Variants in PRKCH observed in about 807,000 individuals in gnomAD.
PRKCH encodes protein kinase C eta, also known as protein kinase C eta type.
Under a neutral mutation model 82.5 loss-of-function variants are expected in PRKCH, and 28 were observed. The ratio of observed to expected loss-of-function variants is 0.34; its 90% CI spans 0.25 to 0.47. PRKCH has a LOEUF of 0.47. PRKCH is among the 20% of genes least tolerant of loss of function. PRKCH has a pLI of 1.00. For missense variants in PRKCH, 705 were observed against 881.8 expected (o/e 0.80, Z 2.54); for synonymous variants, 322 against 327.4 (o/e 0.98, Z 0.18).
intron 1 of PRKCH, among the ~76,000 whole-genome samples, chr14:61,239,353 C>G (rs540042796): frequency 4.5e-4 from 69 of 152,168 alleles, no homozygotes; most frequent in African/African-American, 1.5e-3. Context: ...TGGAGCAACA[C>G]GCTGATTTAA....
rs145485854 is a variant in PRKCH at position 61,289,670 on chromosome 14, G to A, written c.-19+102002G>A. The stretch of plus-strand genomic sequence containing the variant: ...TGCAGTGAGCTATGATTGTGCCACT[G>A]CACTCCAGCCTGGGTGGCAGAGTGA... On this transcript the variant is annotated intron_variant, in intron 1 of 3. Coordinates refer to the PRKCH transcript ENST00000555185. 3.9e-5 allele frequency among the ~76,000 whole-genome samples: 6 copies of A among 152,342 alleles called. No homozygotes were observed. The East Asian group carries it at 5.8e-4, about 15-fold the overall frequency.
intron 1 of PRKCH, among the ~76,000 whole-genome samples, chr14:61,258,310 C>CA (rs1176590855): frequency 2.7e-5 from 4 of 150,870 alleles, no homozygotes; most frequent in African/African-American, 9.7e-5. Flanking sequence ...AAACCTGGAC[C>CA]AAAAAAAAGT....
At chr14:61,480,739 G>A (rs1457650016) in intron 9 of PRKCH, among the ~76,000 whole-genome samples, 1 of 152,198 alleles carries the variant, frequency 6.6e-6, no homozygotes, top group Non-Finnish European at 1.5e-5. Flanking sequence ...TGGGTGACCT[G>A]TGAAAGCACC....
intron 10 of PRKCH, among the ~76,000 whole-genome samples, chr14:61,513,171 G>C (rs17098645): frequency 1.3e-5 from 2 of 152,050 alleles, no homozygotes; most frequent in South Asian, 4.1e-4. Flanking sequence ...CATCCACCAC[G>C]CGCAGAACTT....
At chr14:61,363,923 TATATGTAAAA>T (rs1476137088) in intron 1 of PRKCH, among the ~76,000 whole-genome samples, 1 of 150,066 alleles carries the variant, frequency 6.7e-6, no homozygotes, top group African/African-American at 2.5e-5. Context: ...TTTTTACATA[TATATGTAAAA>T]ATATGTAAAT....
At chr14:61,340,327 T>G (rs2045915839) in intron 1 of PRKCH, among the ~76,000 whole-genome samples, 2 of 131,332 alleles carry the variant, frequency 1.5e-5, no homozygotes, top group Non-Finnish European at 3.2e-5. Flanking sequence ...TTTTGTATCT[T>G]TCCTCATCCC....
rs191579757 is a variant in PRKCH at position 61,521,205 on chromosome 14, A to G, written c.1434-7870A>G. On this transcript the variant is annotated intron_variant, in intron 10 of 13. Coordinates refer to ENST00000332981, the MANE Select transcript of PRKCH (RefSeq NM_006255.5). Reference sequence around the variant, plus strand: ...TCTATACCTTTTTCAGGAATGATCAATTTTATATAATGAAAATATTACTTT... The same window carrying G: ...TCTATACCTTTTTCAGGAATGATCAGTTTTATATAATGAAAATATTACTTT... Among the ~76,000 whole-genome samples the G allele has an allele frequency of 1.6e-4, 24 of 152,338 alleles. No homozygotes were observed. In the East Asian group the frequency reaches 4.4e-3, roughly 28 times the overall value.
chr14:61,478,837 G>A (rs759714219), intron 9 of PRKCH, among the ~76,000 whole-genome samples: 3 of 152,094 alleles, frequency 2.0e-5, no homozygotes, highest in Admixed American at 6.6e-5. Context: ...CTCCAGCCTG[G>A]GTGACAGAGC....
At chr14:61,381,691 G>A (rs1387943663) in intron 1 of PRKCH, among the ~76,000 whole-genome samples, 1 of 152,204 alleles carries the variant, frequency 6.6e-6, no homozygotes, top group Admixed American at 6.5e-5. Flanking sequence ...GAACCATCCA[G>A]CGGCACATCA....
chr14:61,275,223 A>G (rs996599469), intron 1 of PRKCH, among the ~76,000 whole-genome samples: 5 of 152,222 alleles, frequency 3.3e-5, no homozygotes, highest in African/African-American at 1.2e-4. Flanking sequence ...CTTTTAGAAC[A>G]TCACCTACTT....
chr14:61,461,953 C>T (rs906373970), intron 9 of PRKCH, among the ~76,000 whole-genome samples: 5 of 152,124 alleles, frequency 3.3e-5, no homozygotes, highest in African/African-American at 7.2e-5. Context: ...CAGTCATTAC[C>T]GCAAAGTTAC....
At chr14:61,462,216 AC>A (rs1566896132) in intron 9 of PRKCH, among the ~76,000 whole-genome samples, 5 of 152,100 alleles carry the variant, frequency 3.3e-5, no homozygotes, top group Admixed American at 2.0e-4. Context: ...ACGTGGTGAA[AC>A]CCCGTCTACT....
At chr14:61,210,436 C>G (rs1250163210) in intron 1 of PRKCH, among the ~76,000 whole-genome samples, 1 of 152,050 alleles carries the variant, frequency 6.6e-6, no homozygotes, top group African/African-American at 2.4e-5. Context: ...CCATATCTAT[C>G]AGCCTTTCCC....
At chr14:61,414,588 CTTT>C (rs1159456993) in intron 2 of PRKCH, among the ~76,000 whole-genome samples, 5 of 128,268 alleles carry the variant, frequency 3.9e-5, no homozygotes, top group Admixed American at 7.9e-5. Context: ...TTCATTTATT[CTTT>C]TTTTTTTTTT....
At chr14:61,490,381 A>T (rs1886403118) in intron 10 of PRKCH, among the ~76,000 whole-genome samples, 1 of 152,226 alleles carries the variant, frequency 6.6e-6, no homozygotes, top group Non-Finnish European at 1.5e-5. Context: ...GAAGAGTAGC[A>T]ATCTCACTCG....
chr14:61,517,700 G>C (rs950859900), intron 10 of PRKCH, among the ~76,000 whole-genome samples: 2 of 152,240 alleles, frequency 1.3e-5, no homozygotes, highest in African/African-American at 2.4e-5. Context: ...CATAAAGCTA[G>C]CAGGACCCAT....
chr14:61,362,216 T>C (rs970773344), intron 1 of PRKCH, among the ~76,000 whole-genome samples: 2 of 152,022 alleles, frequency 1.3e-5, no homozygotes, highest in Non-Finnish European at 2.9e-5. Flanking sequence ...GCTATGTACC[T>C]GTAGTCCCAG....
intron 12 of PRKCH, chr14:61,544,042 C>T (rs1329565636): frequency 6.6e-6 from 1 of 152,330 alleles, no homozygotes; most frequent in Non-Finnish European, 1.5e-5. Context: ...TCACCCCGGA[C>T]CCTCCTTCTC....
chr14:61,353,249 G>C lies in PRKCH; in HGVS notation c.363+30785G>C, dbSNP rs2046105506. 2.0e-5 allele frequency among the ~76,000 whole-genome samples: 3 copies of C among 152,106 alleles called. No homozygotes were observed. The South Asian group carries it at 6.2e-4, about 32-fold the overall frequency. On this transcript the variant is annotated intron_variant, in intron 1 of 13. Coordinates refer to ENST00000332981, the MANE Select transcript of PRKCH (RefSeq NM_006255.5). ...GAGTGGAGAAGTAGGGTGGAATTAT[G>C]GGGGACTTTCATTTCCCAAGTTATA... is the stretch of plus-strand genomic sequence containing the variant.
Sources: gnomAD v4.1 joint callset for allele counts (sites outside exome capture counted in the v4.1 genomes callset) on GRCh38, gnomAD v4.1.1 for gene constraint, MANE v1.5 for transcripts, NCBI Gene and HGNC (gene_info 2026-07-23, HGNC 2026-07-21) for gene names.